Variants in RAP1GAP2 observed in about 807,000 individuals in gnomAD.
RAP1GAP2 encodes the protein rap1 GTPase-activating protein 2.
A neutral mutation model predicts 95.0 loss-of-function variants in RAP1GAP2; 27 were observed. The ratio of observed to expected loss-of-function variants is 0.28; its 90% CI spans 0.21 to 0.39. RAP1GAP2 has a LOEUF of 0.39. RAP1GAP2 is among the 10% of genes least tolerant of loss of function. The pLI, the probability that RAP1GAP2 is intolerant of heterozygous loss-of-function variation, is 1.00. For missense variants in RAP1GAP2, 771 were observed against 970.0 expected (o/e 0.79, Z 2.72); for synonymous variants, 373 against 380.9 (o/e 0.98, Z 0.24).
intron 2 of RAP1GAP2, among the ~76,000 whole-genome samples, chr17:2,900,068 C>T (rs148900961): frequency 2.7e-3 from 413 of 152,158 alleles, no homozygotes; most frequent in Middle Eastern, 0.014. Context: ...CGTAGCTGAG[C>T]GTGGGTGGAT....
At position 2,879,705 on chromosome 17, in the gene RAP1GAP2, G is replaced by A. The variant is rs1409079348; in HGVS notation, c.81-25579G>A. Reference sequence around the variant, plus strand: ...CGCACCATGGCACTCCAGCCTGGGCGACAGGGCGAGACTCCATCTCAAAAA... The same window carrying A: ...CGCACCATGGCACTCCAGCCTGGGCAACAGGGCGAGACTCCATCTCAAAAA... On this transcript the variant is annotated intron_variant, in intron 2 of 24. Coordinates refer to ENST00000254695, the MANE Select transcript of RAP1GAP2 (RefSeq NM_015085.5). Among the ~76,000 whole-genome samples, 3 of 145,918 alleles carry A rather than the reference G, an allele frequency of 2.1e-5. No homozygotes were observed. In the Admixed American group the frequency reaches 2.1e-4, roughly 10 times the overall value.
At chr17:2,807,561 C>T (rs1245043618) in intron 2 of RAP1GAP2, among the ~76,000 whole-genome samples, 1 of 152,116 alleles carries the variant, frequency 6.6e-6, no homozygotes, top group African/African-American at 2.4e-5. Context: ...AGGGGGGCCT[C>T]CTGGAGACCT....
chr17:2,908,528 G>T (rs2042274059), intron 3 of RAP1GAP2, among the ~76,000 whole-genome samples: 1 of 152,030 alleles, frequency 6.6e-6, no homozygotes, highest in Non-Finnish European at 1.5e-5. Context: ...AGGGGCCGGT[G>T]GGGTTGTTTG....
At chr17:2,873,267 C>T (rs1273841601) in intron 2 of RAP1GAP2, among the ~76,000 whole-genome samples, 2 of 143,720 alleles carry the variant, frequency 1.4e-5, no homozygotes, top group Non-Finnish European at 3.0e-5. Context: ...CGAGACCAGC[C>T]TGGGCAACAT....
Position 2,990,691 on chromosome 17 carries a change from C to T in RAP1GAP2, c.814-606C>T, listed in dbSNP as rs564880583. ...TGGCTGCGTCATTTTCCATTTTCAG[C>T]AGCAGCGTGTGATGGTTCTGATTTC... is the stretch of plus-strand genomic sequence containing the variant. On this transcript the variant is annotated intron_variant, in intron 11 of 24. Transcript: ENST00000254695. Among the ~76,000 whole-genome samples the T allele has an allele frequency of 1.0e-3, 157 of 152,298 alleles. 2 individuals are homozygous for T. The highest frequency in any genetic ancestry group is 0.01 in the Admixed American group (157 of 15,298).
chr17:2,887,348 G>A (rs1003145053), intron 2 of RAP1GAP2, among the ~76,000 whole-genome samples: 1 of 151,564 alleles, frequency 6.6e-6, no homozygotes, highest in Non-Finnish European at 1.5e-5. Context: ...ATGAGCCACC[G>A]TACCTGGCTG....
At chr17:2,817,627 T>A (rs2070079600) in intron 2 of RAP1GAP2, among the ~76,000 whole-genome samples, 1 of 117,210 alleles carries the variant, frequency 8.5e-6, no homozygotes, top group Admixed American at 8.3e-5. Flanking sequence ...TTCAAGTGAT[T>A]CTCCTGCCTC....
At chr17:2,943,683 A>C (rs931142655) in intron 3 of RAP1GAP2, among the ~76,000 whole-genome samples, 10 of 151,986 alleles carry the variant, frequency 6.6e-5, no homozygotes, top group African/African-American at 1.9e-4. Flanking sequence ...ACAAACAAAA[A>C]AAAACAAACA....
intron 1 of RAP1GAP2, among the ~76,000 whole-genome samples, chr17:2,788,719 G>A (rs900693219): frequency 6.6e-6 from 1 of 152,202 alleles, no homozygotes; most frequent in African/African-American, 2.4e-5. Flanking sequence ...GCACAAGAAC[G>A]AGGAGCGTTG....
intron 2 of RAP1GAP2, among the ~76,000 whole-genome samples, chr17:2,830,378 T>C (rs1431460049): frequency 2.0e-5 from 3 of 150,108 alleles, no homozygotes; most frequent in Admixed American, 6.7e-5. Context: ...GATCGTGCCA[T>C]TGCACTCCAG....
At chr17:2,892,475 T>C (rs1185873228) in intron 2 of RAP1GAP2, among the ~76,000 whole-genome samples, 1 of 152,136 alleles carries the variant, frequency 6.6e-6, no homozygotes, top group Non-Finnish European at 1.5e-5. Flanking sequence ...TGGCTGGAGA[T>C]GACTGCGACG....
At chr17:2,849,425 C>T (rs1415704505) in intron 2 of RAP1GAP2, among the ~76,000 whole-genome samples, 3 of 152,180 alleles carry the variant, frequency 2.0e-5, no homozygotes, top group Non-Finnish European at 2.9e-5. Context: ...GGGGCTGATT[C>T]CCGCTTTCTC....
At chr17:2,879,988 A>G (rs2073229024) in intron 2 of RAP1GAP2, among the ~76,000 whole-genome samples, 1 of 151,952 alleles carries the variant, frequency 6.6e-6, no homozygotes, top group African/African-American at 2.4e-5. Context: ...GGGACCAGGT[A>G]GGCCTGATTC....
intron 2 of RAP1GAP2, among the ~76,000 whole-genome samples, chr17:2,872,439 A>C (rs1244329415): frequency 6.6e-6 from 1 of 151,830 alleles, no homozygotes; most frequent in East Asian, 1.9e-4. Flanking sequence ...TTTGAAACAA[A>C]GACCGTTGGT....
At chr17:2,880,291 G>T (rs147439023) in intron 2 of RAP1GAP2, among the ~76,000 whole-genome samples, 1 of 149,780 alleles carries the variant, frequency 6.7e-6, no homozygotes, top group Non-Finnish European at 1.5e-5. Flanking sequence ...TGTGTAGACC[G>T]GTTGGGGCAG....
Position 2,960,458 on chromosome 17 carries a change from G to A in RAP1GAP2, c.202-2212G>A, listed in dbSNP as rs931080433. Among the ~76,000 whole-genome samples the A allele has an allele frequency of 4.6e-5, 7 of 152,198 alleles. No individual in the cohort carries two copies. The South Asian group carries it at 6.2e-4, about 14-fold the overall frequency. On this transcript the variant is annotated intron_variant, in intron 4 of 24. Coordinates refer to ENST00000254695, the MANE Select transcript of RAP1GAP2 (RefSeq NM_015085.5). ...TGTTCAGTGGGAACGGCCCTCCCAC[G>A]CCCTCCTGAACAATGCTGCAAGGCG...
At chr17:3,013,869 C>T (rs1418216769) in intron 17 of RAP1GAP2, among the ~76,000 whole-genome samples, 2 of 152,106 alleles carry the variant, frequency 1.3e-5, no homozygotes, top group Non-Finnish European at 2.9e-5. Flanking sequence ...CCTGTCCTCT[C>T]TGCATCTCAG....
chr17:2,927,857 C>T (rs1317094364), intron 3 of RAP1GAP2, among the ~76,000 whole-genome samples: 1 of 152,212 alleles, frequency 6.6e-6, no homozygotes, highest in Non-Finnish European at 1.5e-5. Context: ...AATTCTTCAC[C>T]TGCCTGATCT....
intron 3 of RAP1GAP2, 93 bp downstream of exon 3, chr17:2,905,461 C>A (rs973954170): frequency 7.9e-7 from 1 of 1,268,624 alleles, no homozygotes; most frequent in Non-Finnish European, 1.1e-6. Flanking sequence ...CAGCAGCGTC[C>A]GTCGCAGTGG....
Sources: gnomAD v4.1 joint callset for allele counts (sites outside exome capture counted in the v4.1 genomes callset) on GRCh38, gnomAD v4.1.1 for gene constraint, MANE v1.5 for transcripts, NCBI Gene and HGNC (gene_info 2026-07-23, HGNC 2026-07-21) for gene names.